Variants in AP2A2 observed in about 807,000 individuals in gnomAD.
The protein encoded by AP2A2 is AP-2 complex subunit alpha-2.
In AP2A2, 32 loss-of-function variants were observed where a neutral mutation model predicts 104.2. That is an observed-to-expected ratio of 0.31 (90% CI 0.23 to 0.41). The LOEUF is 0.41. AP2A2 is among the 10% of genes least tolerant of loss of function. The pLI is 1.00. For synonymous variants in AP2A2, 539 were observed against 533.3 expected (o/e 1.01, Z -0.15); for missense variants, 912 against 1,261.0 (o/e 0.72, Z 4.19).
chr11:995,227 G>C, intron 14 of AP2A2: 1 of 448,096 alleles, frequency 2.2e-6, no homozygotes, highest in Non-Finnish European at 4.5e-6. Flanking sequence ...GACCTGTCCT[G>C]CCCTGCTCTT....
chr11:997,773 T>C (rs1293231320), intron 14 of AP2A2, among the ~76,000 whole-genome samples: 4 of 151,992 alleles, frequency 2.6e-5, no homozygotes, highest in South Asian at 4.2e-4. Context: ...GGTGTGGTGG[T>C]GTGTGCCTGT....
At chr11:950,323 T>G (rs1178460556) in intron 1 of AP2A2, among the ~76,000 whole-genome samples, 2 of 151,562 alleles carry the variant, frequency 1.3e-5, no homozygotes, top group Middle Eastern at 3.2e-3. Flanking sequence ...TTTTTTTTTT[T>G]TTTTTTGACA....
rs777456094 is a variant in AP2A2, at chr11:940,483, C to T, written c.67+14395C>T. On this transcript the variant is annotated intron_variant, in intron 1 of 21. Coordinates refer to ENST00000448903, the MANE Select transcript of AP2A2 (RefSeq NM_012305.4). ...TTCTGCCTTTCGCGTTCTGTTTCCA[C>T]GACTCTCAAGTTTGTCCTCTAGCCC... 9.2e-5 allele frequency among the ~76,000 whole-genome samples: 14 copies of T among 152,172 alleles called. 1 individual carries two copies. Among genetic ancestry groups the T allele is most frequent in the Non-Finnish European group, 1.8e-4 (12 of 68,038 alleles).
chr11:937,906 C>G (rs1452911657), intron 1 of AP2A2, among the ~76,000 whole-genome samples: 5 of 152,160 alleles, frequency 3.3e-5, no homozygotes, highest in African/African-American at 1.2e-4. Context: ...CCGGAGCTCC[C>G]GAGAGGTGGA....
intron 1 of AP2A2, among the ~76,000 whole-genome samples, chr11:953,569 A>T (rs1211351425): frequency 6.8e-6 from 1 of 147,758 alleles, no homozygotes; most frequent in Non-Finnish European, 1.5e-5. Context: ...TTGTCTTCAC[A>T]CAGTGGCCTG....
rs1855737693 is a variant in AP2A2 at position 993,607 on chromosome 11, G to A, written c.1551-147G>A. The stretch of plus-strand genomic sequence containing the variant: ...CTGACTTAGTGAAAGGGGCGTCTTT[G>A]CGGTGGGATCTGGAGCTGGAAGAGG... On this transcript the variant is annotated intron_variant, in intron 12 of 21. Transcript: ENST00000448903. The surrounding 1 kb of genome is among the most constrained non-coding windows in gnomAD (Gnocchi z 8.2). The A allele has an allele frequency of 1.5e-5, 10 of 663,432 alleles. No homozygotes were observed. The highest frequency in any genetic ancestry group is 2.3e-5 in the Non-Finnish European group (9 of 394,664). 41.1% of individuals were successfully genotyped at this position (663,432 alleles called of 1,614,324 possible).
At chr11:955,917 G>A (rs530337850) in intron 1 of AP2A2, among the ~76,000 whole-genome samples, 2 of 152,242 alleles carry the variant, frequency 1.3e-5, no homozygotes, top group South Asian at 2.1e-4. Context: ...CAGGCCTGGC[G>A]GGGCCGCTTG....
At chr11:1,000,300 C>A in intron 14 of AP2A2, 132 bp from the exon 15 acceptor site, 1 of 833,922 alleles carries the variant, frequency 1.2e-6, no homozygotes, top group Non-Finnish European at 1.9e-6. Flanking sequence ...AGTTGTGTGC[C>A]ACCTGCCCCA....
At chr11:976,564 T>TCGGCAGCAGGGCAGGAGGGCGAAGGGGGA (rs1855045470) in intron 4 of AP2A2, among the ~76,000 whole-genome samples, 1 of 152,078 alleles carries the variant, frequency 6.6e-6, no homozygotes, top group South Asian at 2.1e-4. Flanking sequence ...GACAAGCATG[T>TCGGCAGCAGGGCAGGAGGGCGAAGGGGGA]TGGCAGCAGA....
At chr11:987,611 C>T (rs1294544644) in intron 9 of AP2A2, among the ~76,000 whole-genome samples, 23 of 151,930 alleles carry the variant, frequency 1.5e-4, no homozygotes, top group African/African-American at 1.9e-4. Context: ...GCCGAGATCG[C>T]GCCACTGCAC....
chr11:984,980 G>C (rs1433012693), intron 7 of AP2A2, among the ~76,000 whole-genome samples: 1 of 152,184 alleles, frequency 6.6e-6, no homozygotes, highest in Non-Finnish European at 1.5e-5. Flanking sequence ...TATAGTATCA[G>C]ATTTGTGCAG....
intron 15 of AP2A2, among the ~76,000 whole-genome samples, chr11:1,002,414 T>C (rs959035074): frequency 6.6e-6 from 1 of 152,262 alleles, no homozygotes; most frequent in African/African-American, 2.4e-5. Context: ...TGTGGATCGC[T>C]GTCCTGTGTT....
chr11:1,009,608 T>G, intron 20 of AP2A2, 75 bp from the exon 21 acceptor site: 1 of 1,166,640 alleles, frequency 8.6e-7, no homozygotes, highest in South Asian at 1.5e-5. Context: ...CGCCAGGGTC[T>G]GGAGGGGCGG....
Position 984,634 on chromosome 11 carries a change from C to T in AP2A2, c.706-11C>T. ...CCGGCAGCGTGTCTCATTGCCTGTG[C>T]TGTCTTACAGATCGTGACGTCTGCA... On this transcript the variant is annotated splice_polypyrimidine_tract_variant and intron_variant, in intron 6 of 21. Transcript: ENST00000448903. The T allele has an allele frequency of 6.3e-7, 1 of 1,599,626 alleles. No homozygotes were observed. Among genetic ancestry groups the T allele is most frequent in the Non-Finnish European group, 8.6e-7 (1 of 1,167,390 alleles).
At position 983,022 on chromosome 11, in the gene AP2A2, T is replaced by C. The variant is rs373683122; in HGVS notation, c.706-1623T>C. Among the ~76,000 whole-genome samples the C allele has an allele frequency of 8.2e-4, 116 of 142,294 alleles. No homozygotes were observed. In the East Asian group the frequency reaches 0.015, roughly 19 times the overall value. The allele number at this position is 142,294 out of a possible 152,430, so 93.4% of individuals were successfully genotyped here. ...ACTGTGCATATTTTCTTTTTCTTTT[T>C]TTTTTTTTTTTTTTTTGAGTCGGAG... On this transcript the variant is annotated intron_variant, in intron 6 of 21. Coordinates refer to ENST00000448903, the MANE Select transcript of AP2A2 (RefSeq NM_012305.4).
chr11:981,116 T>C (rs986670148), intron 5 of AP2A2, 82 bp from the exon 6 acceptor site: 2 of 1,262,048 alleles, frequency 1.6e-6, no homozygotes, highest in African/African-American at 3.0e-5. Context: ...TGCTGGTTGG[T>C]TTAAGGTTTT....
chr11:1,008,713 A>G (rs1217174697), intron 18 of AP2A2: 1 of 257,384 alleles, frequency 3.9e-6, no homozygotes, highest in Non-Finnish European at 7.4e-6. Context: ...TTAAAAAGAC[A>G]GAGAACTTAA....
chr11:935,781 A>G (rs1589943054), intron 1 of AP2A2, among the ~76,000 whole-genome samples: 1 of 149,676 alleles, frequency 6.7e-6, no homozygotes, highest in African/African-American at 2.5e-5. Flanking sequence ...TTTTTAGTAG[A>G]GACGGAGTTT....
At chr11:988,817 G>C (rs773707661) in intron 10 of AP2A2, 128 bp downstream of exon 10, 16 of 1,229,522 alleles carry the variant, frequency 1.3e-5, no homozygotes, top group Non-Finnish European at 1.7e-5. Flanking sequence ...TGAATACAAG[G>C]CTCCTCTGCC....
Sources: allele counts gnomAD v4.1 joint callset (sites outside exome capture counted in the v4.1 genomes callset), GRCh38; gene constraint gnomAD v4.1.1; non-coding constraint Gnocchi (gnomAD v3.1); transcripts MANE v1.5; gene names NCBI Gene and HGNC (gene_info 2026-07-23, HGNC 2026-07-21).